OR2L13: variants seen among roughly 807,000 people sequenced by gnomAD.
OR2L13 encodes the protein olfactory receptor family 2 subfamily L member 13.
Under a neutral mutation model 15.3 loss-of-function variants are expected in OR2L13, and 14 were observed. The observed-to-expected ratio is 0.91, with a 90% CI of 0.60 to 1.43. The LOEUF (loss-of-function observed/expected upper bound fraction) is 1.43, where lower values mean the gene tolerates loss of function less well. Among genes scored for constraint, OR2L13 ranks in the 40% most tolerant of loss-of-function variants. OR2L13 has a pLI of 0.00. For synonymous variants in OR2L13, 152 were observed against 142.9 expected (o/e 1.06, Z -0.45); for missense variants, 367 against 387.9 (o/e 0.95, Z 0.45).
chr1:248,078,857 AAAAG>A, the OR2L13 span, among the ~76,000 whole-genome samples: 1 of 126,366 alleles, frequency 7.9e-6, no homozygotes, highest in Non-Finnish European at 1.6e-5. Flanking sequence ...CTTTGTAAAA[AAAAG>A]AAAAGTTAAT....
chr1:248,000,745 G>A, the OR2L13 span, among the ~76,000 whole-genome samples: 1 of 151,822 alleles, frequency 6.6e-6, no homozygotes, highest in Non-Finnish European at 1.5e-5. Context: ...CTGAGAAACC[G>A]TTTTTCTGTG....
the OR2L13 span, among the ~76,000 whole-genome samples, chr1:248,087,177 A>G: frequency 6.6e-6 from 1 of 152,058 alleles, no homozygotes; most frequent in Non-Finnish European, 1.5e-5. Flanking sequence ...TGGAGAAATT[A>G]TTGAAACAGC....
the OR2L13 span, among the ~76,000 whole-genome samples, chr1:248,076,828 C>T: frequency 2.0e-5 from 3 of 152,162 alleles, no homozygotes; most frequent in Admixed American, 2.0e-4. Context: ...ATTGCATACC[C>T]TTTATTTCTT....
chr1:247,942,084 A>G, the OR2L13 span, among the ~76,000 whole-genome samples: 3 of 152,198 alleles, frequency 2.0e-5, no homozygotes, highest in Non-Finnish European at 4.4e-5. Flanking sequence ...TATTGGGCCT[A>G]AAAATAATTG....
chr1:248,070,758 A>G, the OR2L13 span, among the ~76,000 whole-genome samples: 22 of 152,186 alleles, frequency 1.4e-4, no homozygotes, highest in African/African-American at 4.1e-4. Context: ...AAGAGAGAAG[A>G]ATCAAATAGA....
chr1:248,092,639 G>A (rs1664626116), upstream of OR2L13, among the ~76,000 whole-genome samples: 1 of 152,176 alleles, frequency 6.6e-6, no homozygotes, highest in South Asian at 2.1e-4. Flanking sequence ...TCTTAGAAGG[G>A]TTACACTGGT....
chr1:247,975,308 GCA>G, the OR2L13 span: 4 of 488,156 alleles, frequency 8.2e-6, no homozygotes, highest in South Asian at 3.6e-5. Flanking sequence ...GTCTATGAGT[GCA>G]CAGTGTTTTT....
At chr1:248,003,905 C>G in the OR2L13 span, 24 of 1,612,884 alleles carry the variant, frequency 1.5e-5, no homozygotes, top group South Asian at 6.6e-5. Flanking sequence ...CTACACCTAT[C>G]TACGTCCAAG....
At chr1:248,016,156 A>C in the OR2L13 span, among the ~76,000 whole-genome samples, 2 of 152,214 alleles carry the variant, frequency 1.3e-5, no homozygotes, top group Non-Finnish European at 2.9e-5. Context: ...AAATTGAAGG[A>C]TAGGAAAAAA....
At chr1:247,995,756 C>T in the OR2L13 span, among the ~76,000 whole-genome samples, 1 of 152,168 alleles carries the variant, frequency 6.6e-6, no homozygotes, top group South Asian at 2.1e-4. Flanking sequence ...GACATCATGT[C>T]CTTCTGTTGC....
chr1:248,044,523 G>A, the OR2L13 span, among the ~76,000 whole-genome samples: 2 of 85,140 alleles, frequency 2.3e-5, no homozygotes. Flanking sequence ...GCCTTCCCCG[G>A]CCGGGCGCGG....
the OR2L13 span, among the ~76,000 whole-genome samples, chr1:247,943,253 A>T: frequency 2.0e-5 from 3 of 152,172 alleles, no homozygotes; most frequent in Non-Finnish European, 4.4e-5. Context: ...AGATGGGAAT[A>T]GTAGACACTG....
chr1:248,060,482 TCTTA>T, the OR2L13 span, among the ~76,000 whole-genome samples: 1 of 152,196 alleles, frequency 6.6e-6, no homozygotes, highest in Middle Eastern at 3.2e-3. Flanking sequence ...CTTGTTTATC[TCTTA>T]CTTGTCTTAT....
At chr1:248,042,360 T>TG in the OR2L13 span, 1 of 50,222 alleles carries the variant, frequency 2.0e-5, no homozygotes, top group Non-Finnish European at 3.5e-5. Context: ...TGTTGTGGGG[T>TG]GGGGGGAGGG....
the OR2L13 span, chr1:248,046,734 A>T: frequency 4.6e-5 from 7 of 152,288 alleles, no homozygotes; most frequent in Admixed American, 1.3e-4. Context: ...CCGAATCCCC[A>T]TGGAGGTCTC....
At chr1:248,063,337 A>G in the OR2L13 span, 3 of 152,338 alleles carry the variant, frequency 2.0e-5, no homozygotes, top group African/African-American at 7.2e-5. Context: ...ACATAGTGCA[A>G]TGCTCTTTAA....
the OR2L13 span, chr1:247,949,878 T>A: frequency 8.7e-6 from 10 of 1,151,098 alleles, no homozygotes; most frequent in South Asian, 1.2e-4. Flanking sequence ...ATGTCCTTCC[T>A]AGAGTGCAGG....
chr1:248,045,838 C>A, the OR2L13 span: 3 of 152,154 alleles, frequency 2.0e-5, no homozygotes, highest in Admixed American at 2.0e-4. Context: ...CAACTAGTTA[C>A]AGGTTTCTTG....
At chr1:248,085,957 G>C in the OR2L13 span, among the ~76,000 whole-genome samples, 43 of 152,232 alleles carry the variant, frequency 2.8e-4, no homozygotes, top group Non-Finnish European at 6.0e-4. Context: ...TTCACCTGCT[G>C]CTTACCTCCT....
Sources: gnomAD v4.1 joint callset for allele counts (sites outside exome capture counted in the v4.1 genomes callset) on GRCh38, gnomAD v4.1.1 for gene constraint, MANE v1.5 for transcripts, NCBI Gene and HGNC (gene_info 2026-07-23, HGNC 2026-07-21) for gene names.